USH2A: variants seen among roughly 807,000 people sequenced by gnomAD.
USH2A encodes usherin.
USH2A carries 443 observed loss-of-function variants against 538.9 expected under a neutral mutation model. The observed-to-expected ratio is 0.82, with a 90% confidence interval of 0.76 to 0.89. The LOEUF (loss-of-function observed/expected upper bound fraction) is 0.89. Ranked by LOEUF, USH2A falls within the 40% of genes least tolerant of loss-of-function variation. The pLI, the probability that USH2A is intolerant of heterozygous loss-of-function variation, is 0.00. For synonymous variants in USH2A, 2,413 were observed against 2,273.5 expected, an observed-to-expected ratio of 1.06 and a Z score of -1.75; for missense variants, 6,633 against 6,324.8, an observed-to-expected ratio of 1.05 and a Z score of -1.65.
intron 30 of USH2A, among the ~76,000 whole-genome samples, chr1:216,050,604 C>CTTTCTTTCTTTCTTTTT (rs1195871302): frequency 1.5e-5 from 1 of 68,566 alleles, no homozygotes; most frequent in African/African-American, 5.3e-5. Flanking sequence ...TTCTTTCTTT[C>CTTTCTTTCTTTCTTTTT]TTTTTTTTTT....
chr1:216,203,687 T>C (rs973490444), intron 16 of USH2A, among the ~76,000 whole-genome samples: 3 of 152,214 alleles, frequency 2.0e-5, no homozygotes, highest in Admixed American at 6.5e-5. Context: ...GATCCCTTGA[T>C]GTAGTATGAG....
intron 25 of USH2A, 38 bp downstream of exon 25, chr1:216,084,660 A>AT (rs746002912): frequency 1.9e-6 from 3 of 1,605,988 alleles, no homozygotes; most frequent in Non-Finnish European, 2.6e-6. Flanking sequence ...TAGAACATAG[A>AT]TTTTAAGTGA....
chr1:216,156,285 TTTTTTTTTTC>T (rs1026286681), intron 21 of USH2A, among the ~76,000 whole-genome samples: 1 of 115,554 alleles, frequency 8.7e-6, no homozygotes, highest in African/African-American at 3.5e-5. Flanking sequence ...TCTTTCTTTC[TTTTTTTTTTC>T]TTTTTTTTTT....
Position 216,200,742 on chromosome 1 carries a change from G to C in USH2A, c.3317-621C>G, listed in dbSNP as rs531633801. On this transcript the variant is annotated intron_variant, in intron 16 of 71. Transcript: ENST00000307340. ...CTACAAAGAGGTTTTTAAAAAATAA[G>C]ATAGGGAGTGGAGGTGATTAGGCAC... 2.6e-5 allele frequency among the ~76,000 whole-genome samples: 4 copies of C among 152,270 alleles called. No homozygotes were observed. The East Asian group carries it at 7.7e-4, about 29-fold the overall frequency.
At chr1:215,893,209 A>G (rs1010198374) in intron 40 of USH2A, among the ~76,000 whole-genome samples, 9 of 152,194 alleles carry the variant, frequency 5.9e-5, no homozygotes, top group Non-Finnish European at 1.3e-4. Flanking sequence ...AAATGAATCT[A>G]TGTATTGTTT....
At chr1:216,073,857 C>T (rs750209974) in intron 27 of USH2A, among the ~76,000 whole-genome samples, 6 of 152,202 alleles carry the variant, frequency 3.9e-5, no homozygotes, top group Non-Finnish European at 7.3e-5. Context: ...ATGATCACTT[C>T]AGAGGTATAG....
chr1:216,097,063 G>A lies in USH2A; in HGVS notation c.4758+20C>T. Reference sequence around the variant, plus strand: ...CTACTAAATTCTTAAAAATATTAAAGTTTATGATTTCTCATTTACCTGAGG... The same window carrying A: ...CTACTAAATTCTTAAAAATATTAAAATTTATGATTTCTCATTTACCTGAGG... On this transcript the variant is annotated intron_variant, in intron 22 of 71. Transcript: ENST00000307340. The A allele has an allele frequency of 1.2e-6, 2 of 1,607,296 alleles. No individual in the cohort carries two copies. The highest frequency in any genetic ancestry group is 2.2e-5 in the East Asian group (1 of 44,472).
chr1:215,693,547 T>C (rs1658693064), intron 61 of USH2A, among the ~76,000 whole-genome samples: 1 of 152,180 alleles, frequency 6.6e-6, no homozygotes, highest in East Asian at 1.9e-4. Flanking sequence ...GTTCCAGTGT[T>C]TTCATTTCAA....
chr1:216,370,180 G>A (rs998130157), intron 3 of USH2A, among the ~76,000 whole-genome samples: 2 of 151,886 alleles, frequency 1.3e-5, no homozygotes, highest in Admixed American at 6.6e-5. Flanking sequence ...CCAACATGGC[G>A]AAACTCCGTC....
At chr1:215,931,414 G>T (rs79979105) in intron 38 of USH2A, among the ~76,000 whole-genome samples, 1 of 151,834 alleles carries the variant, frequency 6.6e-6, no homozygotes, top group African/African-American at 2.4e-5. Context: ...TTTATTCTAT[G>T]CTCACCTGAG....
At chr1:216,391,872 C>T (rs1310700447) in intron 3 of USH2A, among the ~76,000 whole-genome samples, 1 of 152,198 alleles carries the variant, frequency 6.6e-6, no homozygotes, top group African/African-American at 2.4e-5. Flanking sequence ...ATCCATCCCT[C>T]TTTTGTCTGT....
Position 216,246,644 on chromosome 1 carries a change from C to T in USH2A, c.2750G>A (p.Ser917Asn), listed in dbSNP as rs776323626. The change falls in exon 13 of 72, where the codon AGT becomes AAT. Residue 917 changes from serine (S) to asparagine (N), a missense_variant. Physicochemically the swap from Ser to Asn is conservative, Grantham distance 46 (BLOSUM62 1). Coordinates refer to ENST00000307340, the MANE Select transcript of USH2A (RefSeq NM_206933.4). ...ATTAGGCACACACAGGCACTGGCCA[C>T]TGATTGGGTCACAAATGGTCCCAGG... ...TLPGTICDPI[S>N]GQCLCVPNRQ... 11 of 1,614,108 alleles carry T rather than the reference C, an allele frequency of 6.8e-6. No individual in the cohort carries two copies. Among genetic ancestry groups the T allele is most frequent in the East Asian group, 4.5e-5 (2 of 44,878 alleles).
At chr1:215,878,343 G>A (rs999784590) in intron 42 of USH2A, among the ~76,000 whole-genome samples, 2 of 151,852 alleles carry the variant, frequency 1.3e-5, no homozygotes, top group Non-Finnish European at 2.9e-5. Context: ...TCATCGTATC[G>A]GGCTCCCTGA....
chr1:216,199,430 G>C (rs901337221), intron 17 of USH2A, among the ~76,000 whole-genome samples, 197 bp downstream of exon 17: 2 of 152,158 alleles, frequency 1.3e-5, no homozygotes, highest in East Asian at 1.9e-4. Context: ...AATGGAATTT[G>C]TTATTAGATT....
intron 49 of USH2A, among the ~76,000 whole-genome samples, chr1:215,809,552 C>T (rs1662602551): frequency 6.6e-6 from 1 of 151,886 alleles, no homozygotes; most frequent in South Asian, 2.1e-4. Context: ...GGATCAGTCA[C>T]CTTCTCATTA....
chr1:215,844,528 C>T, intron 45 of USH2A, 32 bp from the exon 46 acceptor site: 1 of 1,599,200 alleles, frequency 6.3e-7, no homozygotes, highest in Non-Finnish European at 8.5e-7. Context: ...GAATAAACTC[C>T]AGCTGTCTCT....
chr1:215,828,667 TC>T (rs1663224292), intron 47 of USH2A, among the ~76,000 whole-genome samples: 2 of 152,146 alleles, frequency 1.3e-5, no homozygotes, highest in East Asian at 3.9e-4. Flanking sequence ...CAATAACACA[TC>T]CCCAAACTGA....
chr1:216,110,253 G>C (rs1410028212), intron 21 of USH2A, among the ~76,000 whole-genome samples: 3 of 152,128 alleles, frequency 2.0e-5, no homozygotes, highest in African/African-American at 7.2e-5. Flanking sequence ...AGCTATTTGG[G>C]AGTCCAAGGC....
chr1:215,866,614 A>T (rs147620327), intron 44 of USH2A, among the ~76,000 whole-genome samples: 3 of 152,334 alleles, frequency 2.0e-5, no homozygotes, highest in Non-Finnish European at 4.4e-5. Flanking sequence ...AGGAAGGTGA[A>T]CAATAGTACA....
Sources: allele counts gnomAD v4.1 joint callset (sites outside exome capture counted in the v4.1 genomes callset), GRCh38; gene constraint gnomAD v4.1.1; transcripts MANE v1.5; gene names NCBI Gene and HGNC (gene_info 2026-07-23, HGNC 2026-07-21).